The following UTRN variants were observed in gnomAD, a reference collection of about 807,000 sequenced individuals.
The protein encoded by UTRN is utrophin.
UTRN carries 283 observed loss-of-function variants against 463.9 expected under a neutral mutation model. The ratio of observed to expected loss-of-function variants is 0.61; its 90% confidence interval spans 0.55 to 0.67. The LOEUF (loss-of-function observed/expected upper bound fraction) is 0.67, where lower values mean the gene tolerates loss of function less well. UTRN is among the 30% of genes least tolerant of loss of function. The pLI is 0.00. For missense variants in UTRN, 3,922 were observed against 4,084.3 expected (o/e 0.96, Z 1.08); for synonymous variants, 1,442 against 1,431.5 (o/e 1.01, Z -0.17).
chr6:144,694,977 T>C (rs1482370047), intron 52 of UTRN, among the ~76,000 whole-genome samples: 1 of 151,638 alleles, frequency 6.6e-6, no homozygotes, highest in East Asian at 1.9e-4. Flanking sequence ...GGTGGCCTTT[T>C]TTTTTTTTTT....
intron 3 of UTRN, among the ~76,000 whole-genome samples, chr6:144,407,831 A>G (rs550158644): frequency 6.6e-6 from 1 of 152,318 alleles, no homozygotes; most frequent in East Asian, 1.9e-4. Flanking sequence ...GGAATTCAGG[A>G]TCCTGAGAAG....
At chr6:144,778,690 C>G (rs1261344094) in intron 60 of UTRN, among the ~76,000 whole-genome samples, 1 of 151,694 alleles carries the variant, frequency 6.6e-6, no homozygotes, top group African/African-American at 2.4e-5. Context: ...TCACTGAAGC[C>G]CAAGATTGGA....
intron 2 of UTRN, among the ~76,000 whole-genome samples, chr6:144,389,850 T>C (rs1374040503): frequency 6.6e-6 from 1 of 152,184 alleles, no homozygotes; most frequent in East Asian, 1.9e-4. Context: ...CCGCCCATCC[T>C]GGCCTCCCAA....
chr6:144,688,943 C>T (rs1355971058), intron 52 of UTRN, among the ~76,000 whole-genome samples: 1 of 152,102 alleles, frequency 6.6e-6, no homozygotes, highest in East Asian at 1.9e-4. Flanking sequence ...ACAGAGGCAG[C>T]TAGGGGATCT....
chr6:144,748,108 T>G, intron 54 of UTRN, 138 bp from the exon 55 acceptor site: 1 of 1,093,418 alleles, frequency 9.1e-7, no homozygotes. Context: ...TTTCTTACCC[T>G]GGACAATTTT....
Position 144,629,087 on chromosome 6 carries a change from A to T in UTRN, c.7480-49319A>T, listed in dbSNP as rs572735067. 3.9e-5 allele frequency among the ~76,000 whole-genome samples: 6 copies of T among 152,330 alleles called. No individual in the cohort carries two copies. The East Asian group carries it at 1.2e-3, about 29-fold the overall frequency. On this transcript the variant is annotated intron_variant, in intron 51 of 74. Coordinates refer to ENST00000367545, the MANE Select transcript of UTRN (RefSeq NM_007124.3). Reference sequence around the variant, plus strand: ...CTGAGCATGGCCAATAGCAGTACTTATCCACATTCTTGAAAATCTTTCCCT... The same window carrying T: ...CTGAGCATGGCCAATAGCAGTACTTTTCCACATTCTTGAAAATCTTTCCCT...
At chr6:144,420,188 ATATC>A (rs1040896305) in intron 3 of UTRN, among the ~76,000 whole-genome samples, 1 of 152,226 alleles carries the variant, frequency 6.6e-6, no homozygotes, top group Non-Finnish European at 1.5e-5. Context: ...TGGTTAAAAA[ATATC>A]TATTATTGAC....
At chr6:144,366,838 AT>A (rs1779550047) in intron 2 of UTRN, among the ~76,000 whole-genome samples, 1 of 152,130 alleles carries the variant, frequency 6.6e-6, no homozygotes, top group South Asian at 2.1e-4. Flanking sequence ...GCTTTTCACA[AT>A]GGTTGGACTA....
At chr6:144,830,947 T>C (rs750412822) in intron 69 of UTRN, among the ~76,000 whole-genome samples, 19 of 152,190 alleles carry the variant, frequency 1.2e-4, no homozygotes, top group Middle Eastern at 3.2e-3. Context: ...GATCAAAAAG[T>C]ATTTAAATCA....
At chr6:144,495,391 G>C (rs1259210901) in intron 33 of UTRN, among the ~76,000 whole-genome samples, 1 of 152,254 alleles carries the variant, frequency 6.6e-6, no homozygotes, top group African/African-American at 2.4e-5. Flanking sequence ...CGCTGGCCCG[G>C]TGCTAAGTCC....
chr6:144,658,983 C>T (rs1205035405), intron 51 of UTRN, among the ~76,000 whole-genome samples: 2 of 152,142 alleles, frequency 1.3e-5, no homozygotes, highest in African/African-American at 4.8e-5. Context: ...CAAGTAAATT[C>T]CCTATAAGAA....
At chr6:144,676,122 G>A (rs973321244) in intron 51 of UTRN, among the ~76,000 whole-genome samples, 3 of 149,684 alleles carry the variant, frequency 2.0e-5, no homozygotes, top group South Asian at 4.2e-4. Flanking sequence ...GATAATGCAT[G>A]CAATTGTTTT....
intron 51 of UTRN, among the ~76,000 whole-genome samples, chr6:144,649,417 C>G (rs1488198836): frequency 6.6e-6 from 1 of 152,120 alleles, no homozygotes; most frequent in Non-Finnish European, 1.5e-5. Context: ...GAATTAAAAT[C>G]AAAATCAAAA....
chr6:144,557,433 T>C, intron 50 of UTRN, 122 bp downstream of exon 50: 2 of 1,003,734 alleles, frequency 2.0e-6, no homozygotes, highest in Non-Finnish European at 2.8e-6. Context: ...TATTATGTAT[T>C]TTTATACTGT....
chr6:144,568,848 G>A (rs1800668120), intron 50 of UTRN, among the ~76,000 whole-genome samples: 1 of 152,064 alleles, frequency 6.6e-6, no homozygotes, highest in African/African-American at 2.4e-5. Context: ...AAAATAAATT[G>A]GAGATTTGAA....
chr6:144,549,141 C>T (rs146816426), intron 47 of UTRN, among the ~76,000 whole-genome samples: 121 of 152,270 alleles, frequency 7.9e-4, no homozygotes, highest in African/African-American at 2.6e-3. Context: ...TATAAGCTGG[C>T]GTTAGCATTT....
At chr6:144,584,496 A>C (rs1193215638) in intron 51 of UTRN, among the ~76,000 whole-genome samples, 1 of 152,108 alleles carries the variant, frequency 6.6e-6, no homozygotes, top group African/African-American at 2.4e-5. Flanking sequence ...ATTTGTGATC[A>C]AAACAACTGC....
At chr6:144,620,194 T>C (rs529917260) in intron 51 of UTRN, among the ~76,000 whole-genome samples, 22 of 152,310 alleles carry the variant, frequency 1.4e-4, no homozygotes, top group African/African-American at 5.1e-4. Context: ...GAATGGAAAA[T>C]GTCACTACTA....
intron 2 of UTRN, among the ~76,000 whole-genome samples, chr6:144,315,610 G>A (rs546428291): frequency 2.1e-4 from 32 of 152,308 alleles, no homozygotes; most frequent in African/African-American, 6.7e-4. Context: ...ATTAGATAAC[G>A]GCGCCCACTC....
Sources: allele counts gnomAD v4.1 joint callset (sites outside exome capture counted in the v4.1 genomes callset), GRCh38; gene constraint gnomAD v4.1.1; transcripts MANE v1.5; gene names NCBI Gene and HGNC (gene_info 2026-07-23, HGNC 2026-07-21).